IGSF21: variants seen among roughly 807,000 people sequenced by gnomAD.
The protein encoded by IGSF21 is immunoglobulin superfamily member 21.
A neutral mutation model predicts 46.8 loss-of-function variants in IGSF21; 28 were observed. The observed-to-expected ratio is 0.60, with a 90% confidence interval of 0.44 to 0.82. The LOEUF is 0.82. IGSF21 is among the 40% of genes least tolerant of loss of function. The probability of loss-of-function intolerance (pLI) is 0.00; values close to 1 mark genes in which losing one functional copy is unlikely to be tolerated. For missense variants in IGSF21, 624 were observed against 665.5 expected (o/e 0.94, Z 0.69); for synonymous variants, 284 against 273.6 (o/e 1.04, Z -0.38).
chr1:18,174,522 A>C (rs907337483), intron 1 of IGSF21, among the ~76,000 whole-genome samples: 8 of 152,190 alleles, frequency 5.3e-5, no homozygotes, highest in Admixed American at 6.5e-5. Flanking sequence ...TGCCTGCTCC[A>C]GGAGCTGATG....
chr1:18,209,395 G>A (rs1315232358), intron 1 of IGSF21, among the ~76,000 whole-genome samples: 2 of 152,056 alleles, frequency 1.3e-5, no homozygotes, highest in Middle Eastern at 3.2e-3. Context: ...AAGGCCAGGT[G>A]ACCTGGGCCC....
chr1:18,265,674 T>G (rs1334842373), intron 2 of IGSF21, among the ~76,000 whole-genome samples: 2 of 152,212 alleles, frequency 1.3e-5, no homozygotes, highest in African/African-American at 4.8e-5. Flanking sequence ...GACAGCGTCC[T>G]CCCTGCCTGA....
intron 1 of IGSF21, among the ~76,000 whole-genome samples, chr1:18,122,600 T>G (rs1049612484): frequency 1.3e-5 from 2 of 152,002 alleles, no homozygotes; most frequent in Non-Finnish European, 2.9e-5. Context: ...ATGGGTTTGT[T>G]GTATTGACTG....
chr1:18,164,754 C>G (rs1472573208), intron 1 of IGSF21, among the ~76,000 whole-genome samples: 1 of 151,192 alleles, frequency 6.6e-6, no homozygotes, highest in Admixed American at 6.6e-5. Flanking sequence ...ATTTATTATA[C>G]TTTAAGTTCT....
At chr1:18,137,801 G>C (rs773589848) in intron 1 of IGSF21, among the ~76,000 whole-genome samples, 5 of 152,164 alleles carry the variant, frequency 3.3e-5, no homozygotes, top group Admixed American at 1.3e-4. Context: ...AGTGCTTACT[G>C]TGCGCTGAGA....
At chr1:18,377,902 C>T (rs748466494) in intron 9 of IGSF21, among the ~76,000 whole-genome samples, 22 of 152,172 alleles carry the variant, frequency 1.4e-4, no homozygotes, top group Admixed American at 1.1e-3. Context: ...CCCTGGGCAT[C>T]CCCCAACCTG....
In IGSF21 at chr1:18,337,676, G is replaced by A. The variant is rs1015257984; in HGVS notation, c.424+2666G>A. The stretch of plus-strand genomic sequence containing the variant: ...CTCTGGGCTTCTTCCCCAAAGGTCT[G>A]CGTGTCCTGGCACCATGCACCTATG... On this transcript the variant is annotated intron_variant, in intron 4 of 9. Transcript: ENST00000251296. The surrounding 1 kb of genome is among the most constrained non-coding windows in gnomAD (Gnocchi z 5.7). Among the ~76,000 whole-genome samples the A allele has an allele frequency of 1.3e-5, 2 of 152,114 alleles. No homozygotes were observed. The highest frequency in any genetic ancestry group is 4.8e-5 in the African/African-American group (2 of 41,410).
chr1:18,287,216 T>A (rs1038718081), intron 2 of IGSF21, among the ~76,000 whole-genome samples: 27 of 139,068 alleles, frequency 1.9e-4, no homozygotes, highest in Admixed American at 8.8e-4. Flanking sequence ...TAAATAAAAA[T>A]AAATAAAAAT....
At chr1:18,296,527 G>A (rs116084189) in intron 3 of IGSF21, among the ~76,000 whole-genome samples, 3,407 of 152,232 alleles carry the variant, frequency 0.022, 129 homozygotes, top group African/African-American at 0.077. Flanking sequence ...AGATCCCTTG[G>A]AAGTGAAGAT....
intron 1 of IGSF21, among the ~76,000 whole-genome samples, chr1:18,130,707 C>A (rs1182518505): frequency 1.3e-5 from 2 of 152,206 alleles, no homozygotes; most frequent in African/African-American, 4.8e-5. Context: ...CTTCATTACA[C>A]AGCACACCTC....
chr1:18,193,455 T>C (rs1245295544), intron 1 of IGSF21, among the ~76,000 whole-genome samples: 1 of 152,150 alleles, frequency 6.6e-6, no homozygotes, highest in African/African-American at 2.4e-5. Flanking sequence ...GGTCCCACAA[T>C]TGGCTGTCTG....
At chr1:18,281,151 GTGAATGAATGAATGAACAGGTGAGTGAA>G (rs1438853179) in intron 2 of IGSF21, among the ~76,000 whole-genome samples, 1 of 152,206 alleles carries the variant, frequency 6.6e-6, no homozygotes, top group Non-Finnish European at 1.5e-5. Context: ...GAACAGGCAA[GTGAATGAATGAATGAACAGGTGAGTGAA>G]TGAATGAATG....
chr1:18,160,292 A>T (rs900174259), intron 1 of IGSF21, among the ~76,000 whole-genome samples: 8 of 152,306 alleles, frequency 5.3e-5, no homozygotes, highest in African/African-American at 1.9e-4. Context: ...GAGCCTTCCT[A>T]TACTTATCCA....
chr1:18,310,092 C>T (rs538808720), intron 3 of IGSF21, among the ~76,000 whole-genome samples: 1 of 152,318 alleles, frequency 6.6e-6, no homozygotes, highest in African/African-American at 2.4e-5. Flanking sequence ...TGCTCAACAC[C>T]CCGCCATCCC....
chr1:18,249,010 C>T (rs1031478921), intron 2 of IGSF21, among the ~76,000 whole-genome samples: 1 of 152,060 alleles, frequency 6.6e-6, no homozygotes, highest in African/African-American at 2.4e-5. Flanking sequence ...GCGCAGGCCT[C>T]CTAAAATGAG....
intron 3 of IGSF21, among the ~76,000 whole-genome samples, chr1:18,294,446 A>G (rs2085294311): frequency 6.6e-6 from 1 of 152,142 alleles, no homozygotes; most frequent in Admixed American, 6.5e-5. Flanking sequence ...GCAGGCAGGT[A>G]TTATTATTAT....
In IGSF21 at chr1:18,376,988, G is replaced by T; in HGVS notation, c.1290G>T (p.Val430=). The change falls in exon 8 of 10, where the codon GTG becomes GTT. Residue 430 remains valine (V), a synonymous_variant. Coordinates refer to ENST00000251296, the MANE Select transcript of IGSF21 (RefSeq NM_032880.5). ...GSTDTHTRLI[V]FENPNIPRGT... ...CCGACACGCACACCCGGCTCATCGT[G>T]TTTGGTATGGCGCGCTCAACTGGGG... is the stretch of plus-strand genomic sequence containing the variant. 6.3e-7 allele frequency: 1 copy of T among 1,590,310 alleles called. No homozygotes were observed. The highest frequency in any genetic ancestry group is 8.6e-7 in the Non-Finnish European group (1 of 1,162,140).
At chr1:18,165,170 G>A (rs1035244149) in intron 1 of IGSF21, among the ~76,000 whole-genome samples, 10 of 152,058 alleles carry the variant, frequency 6.6e-5, no homozygotes, top group Admixed American at 2.0e-4. Flanking sequence ...CATAATAGGA[G>A]TCTGTATTTC....
intron 2 of IGSF21, among the ~76,000 whole-genome samples, chr1:18,289,259 G>A (rs1048510296): frequency 6.6e-5 from 10 of 152,200 alleles, no homozygotes; most frequent in African/African-American, 1.9e-4. Flanking sequence ...GCCAGAAGAC[G>A]GGCTGCCAGT....
Sources: gnomAD v4.1 joint callset for allele counts (sites outside exome capture counted in the v4.1 genomes callset) on GRCh38, gnomAD v4.1.1 for gene constraint, Gnocchi (gnomAD v3.1) non-coding constraint, MANE v1.5 for transcripts, NCBI Gene and HGNC (gene_info 2026-07-23, HGNC 2026-07-21) for gene names.